The following NOX3 variants were observed in gnomAD, a reference collection of about 807,000 sequenced individuals.
NOX3 encodes the protein NADPH oxidase 3.
NOX3 carries 74 observed loss-of-function variants against 76.7 expected under a neutral mutation model. That is an observed-to-expected ratio of 0.96 (90% confidence interval 0.80 to 1.17). The LOEUF (loss-of-function observed/expected upper bound fraction) is 1.17. Ranked by LOEUF, NOX3 falls within the 50% of genes most tolerant of loss-of-function variation. NOX3 has a pLI of 0.00. For synonymous variants in NOX3, 263 were observed against 261.1 expected, an observed-to-expected ratio of 1.01 and a Z score of -0.07; for missense variants, 695 against 703.3, an observed-to-expected ratio of 0.99 and a Z score of 0.13.
Position 155,426,697 on chromosome 6 carries a change from G to C in NOX3, c.1145+2097C>G, listed in dbSNP as rs185874110. Among the ~76,000 whole-genome samples, 21 of 152,270 alleles carry C rather than the reference G, an allele frequency of 1.4e-4. No individual in the cohort carries two copies. In the East Asian group the frequency reaches 4.1e-3, roughly 30 times the overall value. On this transcript the variant is annotated intron_variant, in intron 9 of 13. Coordinates refer to ENST00000159060, the MANE Select transcript of NOX3 (RefSeq NM_015718.3). ...GAAGAGCTAAGCCCATGAGGGAGCA[G>C]GAGGTGGAACAGATGAGCCCAGGGA...
chr6:155,446,473 C>T (rs1040660716), intron 4 of NOX3, among the ~76,000 whole-genome samples: 1 of 152,008 alleles, frequency 6.6e-6, no homozygotes, highest in African/African-American at 2.4e-5. Flanking sequence ...CTGATTTAAC[C>T]CTCCTCAGGT....
intron 12 of NOX3, among the ~76,000 whole-genome samples, chr6:155,400,850 C>T (rs780415163): frequency 5.9e-5 from 9 of 152,082 alleles, no homozygotes; most frequent in Non-Finnish European, 1.0e-4. Context: ...GTCCCAGCTC[C>T]CTCATTGGTC....
chr6:155,442,124 C>T (rs1182219236), intron 5 of NOX3, among the ~76,000 whole-genome samples: 3 of 152,008 alleles, frequency 2.0e-5, no homozygotes, highest in African/African-American at 4.8e-5. Context: ...ATTAGCTGGG[C>T]GTGGTGGCGG....
intron 10 of NOX3, among the ~76,000 whole-genome samples, chr6:155,412,284 T>G (rs1776561433): frequency 6.6e-6 from 1 of 152,146 alleles, no homozygotes. Context: ...ATCAATGTTC[T>G]CTTCTCTCCC....
chr6:155,431,326 T>G (rs552107604), intron 7 of NOX3, among the ~76,000 whole-genome samples: 108 of 151,864 alleles, frequency 7.1e-4, no homozygotes, highest in Non-Finnish European at 1.0e-3. Context: ...ACACAGGACA[T>G]AAGAAATTAC....
At chr6:155,411,394 T>A (rs747181677) in intron 10 of NOX3, 34 bp from the exon 11 acceptor site, 4 of 1,591,922 alleles carry the variant, frequency 2.5e-6, no homozygotes, top group Non-Finnish European at 3.4e-6. Context: ...ACGGATCTAT[T>A]CTCTTTTCAT....
At chr6:155,404,501 T>C (rs922845102) in intron 12 of NOX3, among the ~76,000 whole-genome samples, 3 of 152,192 alleles carry the variant, frequency 2.0e-5, no homozygotes, top group African/African-American at 7.2e-5. Context: ...AAGTGACACC[T>C]GGAAAAGTCT....
chr6:155,395,419 T>C lies in NOX3; in HGVS notation c.*183A>G, dbSNP rs1308637831. The C allele has an allele frequency of 6.6e-6, 1 of 152,216 alleles. No homozygotes were observed. Among genetic ancestry groups the C allele is most frequent in the Non-Finnish European group, 1.5e-5 (1 of 68,024 alleles). 9.4% of individuals were successfully genotyped at this position (152,216 alleles called of 1,614,324 possible). A position where few individuals can be genotyped will look rare whatever the true frequency, so the allele number is the denominator to read the frequency against. On this transcript the variant is annotated 3_prime_UTR_variant, in exon 14 of 14. Coordinates refer to ENST00000159060, the MANE Select transcript of NOX3 (RefSeq NM_015718.3). ...CAGTAAATGTTTTTGTTCTGTTGTA[T>C]ATGACATGTTATTTATAAGCTAAGG...
At position 155,415,095 on chromosome 6, in the gene NOX3, C is replaced by T. The variant is rs546856423; in HGVS notation, c.1309-3735G>A. Among the ~76,000 whole-genome samples the T allele has an allele frequency of 2.1e-4, 32 of 152,252 alleles. No individual in the cohort carries two copies. In the South Asian group the frequency reaches 6.4e-3, roughly 31 times the overall value. Reference sequence around the variant, plus strand: ...CTCAGCCATGTCCATTTGCAAGGGGCTTGGGTCTGAGCGACAGTCACAAGT... The same window carrying T: ...CTCAGCCATGTCCATTTGCAAGGGGTTTGGGTCTGAGCGACAGTCACAAGT... On this transcript the variant is annotated intron_variant, in intron 10 of 13. Coordinates refer to ENST00000159060, the MANE Select transcript of NOX3 (RefSeq NM_015718.3).
chr6:155,421,595 G>A (rs1253267439), intron 10 of NOX3, among the ~76,000 whole-genome samples: 1 of 152,114 alleles, frequency 6.6e-6, no homozygotes, highest in Non-Finnish European at 1.5e-5. Flanking sequence ...ACAGAGTCTC[G>A]CTCTGTTGCC....
Position 155,407,149 on chromosome 6 carries a change from T to A in NOX3, c.1561A>T (p.Ile521Phe). 1.9e-6 allele frequency: 3 copies of A among 1,614,088 alleles called. No individual in the cohort carries two copies. Among genetic ancestry groups the A allele is most frequent in the Non-Finnish European group, 2.5e-6 (3 of 1,179,990 alleles). The stretch of plus-strand genomic sequence containing the variant: ...CCTTACCTGGGGTGATTGTAGGCAA[T>A]CTGCTTGAACTCATTGTTCCAGTTG... Reference protein sequence around the residue: ...RPNWNNEFKQIAYNHPSSSIG... With the variant: ...RPNWNNEFKQFAYNHPSSSIG... The change falls in exon 12 of 14, where the codon ATT becomes TTT. Residue 521 changes from isoleucine (I) to phenylalanine (F), a missense_variant. Ile to Phe is a conservative substitution (Grantham distance 21, BLOSUM62 0). Transcript: ENST00000159060.
chr6:155,455,479 A>C (rs1777202602), intron 1 of NOX3, among the ~76,000 whole-genome samples: 1 of 152,228 alleles, frequency 6.6e-6, no homozygotes, highest in African/African-American at 2.4e-5. Context: ...AGTCTAATTC[A>C]AAGACTTCAT....
At chr6:155,426,987 G>GTGCA (rs1776763600) in intron 9 of NOX3, among the ~76,000 whole-genome samples, 1 of 89,192 alleles carries the variant, frequency 1.1e-5, no homozygotes, top group Non-Finnish European at 2.4e-5. Flanking sequence ...ACTGTGGCGT[G>GTGCA]TGTGTGTGTG....
intron 4 of NOX3, among the ~76,000 whole-genome samples, chr6:155,450,240 G>T (rs573766270): frequency 6.6e-6 from 1 of 152,300 alleles, no homozygotes; most frequent in East Asian, 1.9e-4. Flanking sequence ...TTGTCTCCAG[G>T]GATGTGTGAG....
At chr6:155,422,582 G>C (rs1776703864) in intron 10 of NOX3, 112 bp downstream of exon 10, 4 of 981,932 alleles carry the variant, frequency 4.1e-6, no homozygotes, top group Non-Finnish European at 6.1e-6. Flanking sequence ...AAGGATCCTT[G>C]AGTTTATCCC....
chr6:155,409,886 C>A (rs1038093619), intron 11 of NOX3, among the ~76,000 whole-genome samples: 1 of 152,016 alleles, frequency 6.6e-6, no homozygotes, highest in African/African-American at 2.4e-5. Context: ...GTGTTGTCGC[C>A]AAATCAACTT....
intron 4 of NOX3, among the ~76,000 whole-genome samples, chr6:155,448,337 T>C (rs906866895): frequency 6.6e-6 from 1 of 152,202 alleles, no homozygotes; most frequent in Non-Finnish European, 1.5e-5. Context: ...TCTGGCTTAA[T>C]TGGGGCTCTT....
At chr6:155,420,311 C>G (rs575892161) in intron 10 of NOX3, among the ~76,000 whole-genome samples, 3 of 152,248 alleles carry the variant, frequency 2.0e-5, no homozygotes, top group East Asian at 1.9e-4. Context: ...TCCTGTGAAG[C>G]ATGAAGTGAC....
intron 7 of NOX3, among the ~76,000 whole-genome samples, chr6:155,433,136 G>A (rs951646406): frequency 1.3e-5 from 2 of 152,134 alleles, no homozygotes; most frequent in Admixed American, 6.5e-5. Context: ...TATTTTCCAC[G>A]TTGATAAAAT....
Sources: gnomAD v4.1 joint callset for allele counts (sites outside exome capture counted in the v4.1 genomes callset) on GRCh38, gnomAD v4.1.1 for gene constraint, MANE v1.5 for transcripts, NCBI Gene and HGNC (gene_info 2026-07-23, HGNC 2026-07-21) for gene names.